Variants in ACADM observed in about 807,000 individuals in gnomAD.
ACADM encodes acyl-CoA dehydrogenase medium chain, also known as medium-chain specific acyl-CoA dehydrogenase, mitochondrial.
ACADM carries 49 observed loss-of-function variants against 58.9 expected under a neutral mutation model. That is an observed-to-expected ratio of 0.83 (90% CI 0.66 to 1.06). The LOEUF (loss-of-function observed/expected upper bound fraction) is 1.06. Among genes scored for constraint, ACADM ranks in the 50% least tolerant of loss-of-function variants. ACADM has a pLI of 0.00. For synonymous variants in ACADM, 160 were observed against 157.7 expected, an observed-to-expected ratio of 1.01 and a Z score of -0.11; for missense variants, 496 against 507.0, an observed-to-expected ratio of 0.98 and a Z score of 0.21.
At chr1:75,759,651 A>ACTTT (rs1337762102) in intron 10 of ACADM, among the ~76,000 whole-genome samples, 2 of 131,372 alleles carry the variant, frequency 1.5e-5, no homozygotes, top group African/African-American at 2.9e-5. Flanking sequence ...ATCTGTAGCA[A>ACTTT]CTTTCTTTTT....
intron 2 of ACADM, 33 bp from the exon 3 acceptor site, chr1:75,732,611 C>A: frequency 6.6e-7 from 1 of 1,511,882 alleles, no homozygotes; most frequent in Non-Finnish European, 9.2e-7. Flanking sequence ...CCTTGTTATC[C>A]AGTTTTAACT....
Position 75,761,547 on chromosome 1 carries a change from A to C in ACADM, c.1194+177A>C, listed in dbSNP as rs1006698506. 12 of 701,032 alleles carry C rather than the reference A, an allele frequency of 1.7e-5. No homozygotes were observed. In the East Asian group the frequency reaches 3.3e-4, roughly 19 times the overall value. The allele number at this position is 701,032 out of a possible 1,614,324, so 43.4% of individuals were successfully genotyped here. ...AGAAAGAAGAATGTTATTTGTGATT[A>C]AGTATAAGTCTGAAGAGAGAATAGG... On this transcript the variant is annotated intron_variant, in intron 11 of 11. Coordinates refer to ENST00000370841, the MANE Select transcript of ACADM (RefSeq NM_000016.6).
In ACADM at chr1:75,749,429, T is replaced by C. The variant is rs1648075610; in HGVS notation, c.719T>C (p.Met240Thr). 1 of 1,613,756 alleles carries C rather than the reference T, an allele frequency of 6.2e-7. No individual in the cohort carries two copies. Among genetic ancestry groups the C allele is most frequent in the East Asian group, 2.2e-5 (1 of 44,870 alleles). ...CAATTTTCTTATTAGGAATTAAACA[T>C]GGGCCAGCGATGTTCAGATACTAGA... Reference protein sequence around the residue: ...GIQIGRKELNMGQRCSDTRGI... With the variant: ...GIQIGRKELNTGQRCSDTRGI... Residue 240 changes from methionine to threonine, a missense_variant, in exon 9 of 12, where the codon ATG becomes ACG. By Grantham distance (81) the Met-to-Thr change is moderately conservative (BLOSUM62 -1). Coordinates refer to ENST00000370841, the MANE Select transcript of ACADM (RefSeq NM_000016.6).
intron 1 of ACADM, 50 bp downstream of exon 1, chr1:75,724,867 T>G (rs749483210): frequency 7.2e-7 from 1 of 1,395,136 alleles, no homozygotes; most frequent in Non-Finnish European, 9.4e-7. Flanking sequence ...GGTATTGTGG[T>G]GTCGGAGCAG....
At position 75,745,836 on chromosome 1, in the gene ACADM, T is replaced by G; in HGVS notation, c.630T>G (p.Asp210Glu). The G allele has an allele frequency of 1.2e-6, 2 of 1,613,942 alleles. No homozygotes were observed. The highest frequency in any genetic ancestry group is 1.7e-6 in the Non-Finnish European group (2 of 1,179,908). The change falls in exon 8 of 12, where the codon GAT (aspartate) becomes GAG (glutamate). Residue 210 changes from aspartate (D) to glutamate (E), a missense_variant. Coordinates refer to ENST00000370841, the MANE Select transcript of ACADM (RefSeq NM_000016.6). ...WYFLLARSDP[D>E]PKAPANKAFT... The stretch of plus-strand genomic sequence containing the variant: ...TTTTATTGGCACGTTCTGATCCAGA[T>G]CCTAAAGCTCCTGCTAATAAAGCCT...
intron 8 of ACADM, among the ~76,000 whole-genome samples, chr1:75,748,232 G>A (rs1188064428): frequency 1.3e-5 from 2 of 152,108 alleles, no homozygotes; most frequent in Non-Finnish European, 2.9e-5. Context: ...TTAACAATTG[G>A]TGAATCTATT....
chr1:75,751,932 C>G (rs1439042240), intron 10 of ACADM, among the ~76,000 whole-genome samples: 1 of 151,924 alleles, frequency 6.6e-6, no homozygotes, highest in African/African-American at 2.4e-5. Context: ...TATTGATGCT[C>G]CCCCATTATC....
chr1:75,741,585 G>A (rs1647570480), intron 7 of ACADM, among the ~76,000 whole-genome samples: 1 of 152,038 alleles, frequency 6.6e-6, no homozygotes, highest in Non-Finnish European at 1.5e-5. Context: ...AACATAACGA[G>A]ACCCCATCTT....
rs1462279583 is a variant in ACADM at position 75,749,437 on chromosome 1, C to A, written c.727C>A (p.Arg243=). The change falls in exon 9 of 12, where the codon CGA becomes AGA. Residue 243 remains arginine, a synonymous_variant. Transcript: ENST00000370841. The part of the protein sequence containing the change: ...IGRKELNMGQ[R]CSDTRGIVFE... ...TTATTAGGAATTAAACATGGGCCAG[C>A]GATGTTCAGATACTAGAGGAATTGT... 6.2e-7 allele frequency: 1 copy of A among 1,613,756 alleles called. No homozygotes were observed. Among genetic ancestry groups the A allele is most frequent in the East Asian group, 2.2e-5 (1 of 44,860 alleles).
intron 8 of ACADM, among the ~76,000 whole-genome samples, chr1:75,747,253 G>GT (rs1300039101): frequency 6.6e-6 from 1 of 151,276 alleles, no homozygotes; most frequent in Non-Finnish European, 1.5e-5. Flanking sequence ...GCTATTTCTA[G>GT]TTTTTTTCTT....
In ACADM at chr1:75,761,035, C is replaced by T. The variant is rs757317369; in HGVS notation, c.946-87C>T. On this transcript the variant is annotated intron_variant, in intron 10 of 11. Coordinates refer to ENST00000370841, the MANE Select transcript of ACADM (RefSeq NM_000016.6). ...CAGCCTGGGCAACATAGCAAGACCC[C>T]GTCACTATAAAAATGAAAAAGCCCC... is the stretch of plus-strand genomic sequence containing the variant. The T allele has an allele frequency of 4.3e-5, 58 of 1,337,252 alleles. 1 individual carries two copies. Among genetic ancestry groups the T allele is most frequent in the South Asian group, 3.1e-4 (24 of 78,572 alleles). The allele number at this position is 1,337,252 out of a possible 1,614,324, so 82.8% of individuals were successfully genotyped here.
chr1:75,755,088 G>A (rs1297275019), intron 10 of ACADM: 1 of 152,456 alleles, frequency 6.6e-6, no homozygotes, highest in Admixed American at 6.5e-5. Flanking sequence ...GCTGAGGCTT[G>A]AGTAGGTAAA....
intron 10 of ACADM, among the ~76,000 whole-genome samples, chr1:75,757,290 A>G (rs899761264): frequency 6.6e-5 from 10 of 152,164 alleles, no homozygotes; most frequent in Non-Finnish European, 1.3e-4. Context: ...AATGGGAGAA[A>G]ATTTTTATAA....
intron 2 of ACADM, among the ~76,000 whole-genome samples, chr1:75,729,089 C>G (rs1647101370): frequency 6.6e-6 from 1 of 152,168 alleles, no homozygotes; most frequent in East Asian, 1.9e-4. Context: ...ACCATTTACT[C>G]AATTTATTTG....
chr1:75,750,304 T>C (rs1648128405), intron 9 of ACADM, 147 bp from the exon 10 acceptor site: 2 of 699,124 alleles, frequency 2.9e-6, no homozygotes, highest in Admixed American at 4.4e-5. Flanking sequence ...TAATATAAAC[T>C]TACGTGCCTA....
intron 10 of ACADM, among the ~76,000 whole-genome samples, chr1:75,760,264 C>CAAAAAAAACAA: frequency 2.0e-5 from 1 of 51,196 alleles, no homozygotes; most frequent in Non-Finnish European, 3.7e-5. Context: ...ACTAAAAATA[C>CAAAAAAAACAA]AAAAAAAAAA....
At chr1:75,747,611 C>T (rs2100412977) in intron 8 of ACADM, among the ~76,000 whole-genome samples, 1 of 152,266 alleles carries the variant, frequency 6.6e-6, no homozygotes, top group Admixed American at 6.5e-5. Flanking sequence ...CATATTGAGA[C>T]TTTACCTCTA....
At chr1:75,753,820 A>AG (rs561654162) in intron 10 of ACADM, among the ~76,000 whole-genome samples, 1,863 of 60,698 alleles carry the variant, frequency 0.031, 66 homozygotes, top group African/African-American at 0.16. Flanking sequence ...TTTTTGAGAC[A>AG]GGGTCTCACT....
Position 75,749,484 on chromosome 1 carries a change from TAAAGA to T in ACADM, c.778_782del (p.Glu260CysfsTer5), listed in dbSNP as rs2100417619. On this transcript the variant is annotated frameshift_variant, in exon 9 of 12. Coordinates refer to ENST00000370841, the MANE Select transcript of ACADM (RefSeq NM_000016.6). LOFTEE classifies it high-confidence loss of function. ...TTGTCTTCGAAGATGTGAAAGTGCC[TAAAGA>T]AAATGTTTTAATTGGTGACGGAGCT... 1 of 1,614,100 alleles carries T rather than the reference TAAAGA, an allele frequency of 6.2e-7. No homozygotes were observed.
Sources: allele counts gnomAD v4.1 joint callset (sites outside exome capture counted in the v4.1 genomes callset), GRCh38; gene constraint gnomAD v4.1.1; transcripts MANE v1.5; gene names NCBI Gene and HGNC (gene_info 2026-07-23, HGNC 2026-07-21).